The following SPTBN1 variants were observed in gnomAD, a reference collection of about 807,000 sequenced individuals.
SPTBN1 encodes spectrin beta chain, non-erythrocytic 1.
SPTBN1 carries 32 observed loss-of-function variants against 266.4 expected under a neutral mutation model. The observed-to-expected ratio is 0.12, with a 90% CI of 0.09 to 0.16. SPTBN1 has a LOEUF of 0.16. Ranked by LOEUF, SPTBN1 falls within the 10% of genes least tolerant of loss-of-function variation. The probability of loss-of-function intolerance (pLI) is 1.00; values close to 1 mark genes in which losing one functional copy is unlikely to be tolerated. For synonymous variants in SPTBN1, 1,336 were observed against 1,162.2 expected (o/e 1.15, Z -3.04); for missense variants, 2,296 against 3,067.1 (o/e 0.75, Z 5.94).
In SPTBN1 at chr2:54,666,041, C is replaced by G; in HGVS notation, c.6786C>G (p.Cys2262Trp). The change falls in exon 34 of 36, where the codon TGC (cysteine) becomes TGG (tryptophan). Residue 2262 changes from cysteine to tryptophan, a missense_variant. This residue lies in a region of SPTBN1 where 347 missense variants were observed against 368.5 expected (regional missense o/e 0.94). Transcript: ENST00000356805. ...EVPVSLKEAV[C>W]EVALDYKKKK... is the part of the protein sequence containing the mutation. ...CTGTGAGTTTGAAAGAAGCTGTCTG[C>G]GAAGTGGCCCTTGATTACAAAAAGA... 6.2e-7 allele frequency: 1 copy of G among 1,613,592 alleles called. No individual in the cohort carries two copies. Among genetic ancestry groups the G allele is most frequent in the Non-Finnish European group, 8.5e-7 (1 of 1,179,852 alleles).
At chr2:54,659,130 A>G in intron 30 of SPTBN1, 24 bp from the exon 31 acceptor site, 1 of 1,612,786 alleles carries the variant, frequency 6.2e-7, no homozygotes, top group African/African-American at 1.3e-5. Context: ...GGACTCTACC[A>G]AACATCACTC....
chr2:54,620,599 T>C (rs1447497173), intron 7 of SPTBN1, among the ~76,000 whole-genome samples: 1 of 152,148 alleles, frequency 6.6e-6, no homozygotes, highest in East Asian at 1.9e-4. Flanking sequence ...CAGTGAGCTA[T>C]AATCATGTCA....
intron 2 of SPTBN1, among the ~76,000 whole-genome samples, chr2:54,568,058 C>G (rs1558849559): frequency 6.6e-6 from 1 of 152,098 alleles, no homozygotes; most frequent in African/African-American, 2.4e-5. Context: ...TTAAAAATCC[C>G]CAAGTGCTTT....
chr2:54,475,895 GTTTAGTT>G (rs1667800887), intron 1 of SPTBN1, among the ~76,000 whole-genome samples: 1 of 152,154 alleles, frequency 6.6e-6, no homozygotes, highest in South Asian at 2.1e-4. Flanking sequence ...ATACCAGAGT[GTTTAGTT>G]TTAATTCACT....
chr2:54,605,031 A>G (rs972004074), intron 3 of SPTBN1, among the ~76,000 whole-genome samples: 4 of 152,142 alleles, frequency 2.6e-5, no homozygotes, highest in Non-Finnish European at 5.9e-5. Context: ...CGCACTAGGG[A>G]ATCCGATGGC....
At chr2:54,635,147 A>G (rs557641391) in intron 17 of SPTBN1, among the ~76,000 whole-genome samples, 1 of 152,144 alleles carries the variant, frequency 6.6e-6, no homozygotes, top group African/African-American at 2.4e-5. Context: ...ACAGGGAGAG[A>G]AAGTGAGAGA....
At chr2:54,593,263 T>C (rs62134700) in intron 2 of SPTBN1, among the ~76,000 whole-genome samples, 22,485 of 152,088 alleles carry the variant, frequency 0.15, 1,722 homozygotes, top group Middle Eastern at 0.23. Flanking sequence ...TTCTCGGGGC[T>C]CCAAGGTCAT....
chr2:54,618,115 A>C lies in SPTBN1; in HGVS notation c.685A>C (p.Asn229His). The change falls in exon 7 of 36, where the codon AAC becomes CAC. Residue 229 changes from asparagine to histidine, a missense_variant. Asn to His is a moderately conservative substitution (Grantham distance 68). Around this residue, in one of 12 missense-constraint regions of SPTBN1, gnomAD observed 178 missense variants for 375.7 expected, o/e 0.47. Transcript: ENST00000356805. ...AGATTTTGACAAACTAAAGAAATCT[A>C]ACGCACACTACAACCTGCAGAATGC... ...LIDFDKLKKS[N>H]AHYNLQNAFN... 6.2e-7 allele frequency: 1 copy of C among 1,614,220 alleles called. No individual in the cohort carries two copies. Among genetic ancestry groups the C allele is most frequent in the Non-Finnish European group, 8.5e-7 (1 of 1,180,024 alleles).
intron 2 of SPTBN1, among the ~76,000 whole-genome samples, chr2:54,573,810 A>G (rs1399112957): frequency 6.6e-6 from 1 of 152,096 alleles, no homozygotes; most frequent in Non-Finnish European, 1.5e-5. Flanking sequence ...TGTAATTTCT[A>G]TCTCTGCCCT....
intron 1 of SPTBN1, among the ~76,000 whole-genome samples, chr2:54,474,341 A>G (rs1667693472): frequency 6.6e-6 from 1 of 152,064 alleles, no homozygotes; most frequent in Non-Finnish European, 1.5e-5. Context: ...TATATTCTGG[A>G]GGCAATACAG....
At position 54,554,431 on chromosome 2, in the gene SPTBN1, T is replaced by G. The variant is rs1324818415; in HGVS notation, c.148+27865T>G. 2.6e-5 allele frequency among the ~76,000 whole-genome samples: 4 copies of G among 152,212 alleles called. No individual in the cohort carries two copies. The highest frequency in any genetic ancestry group is 5.9e-5 in the Non-Finnish European group (4 of 68,030). On this transcript the variant is annotated intron_variant, in intron 2 of 35. Coordinates refer to ENST00000356805, the MANE Select transcript of SPTBN1 (RefSeq NM_003128.3). The surrounding 1 kb of genome is among the most constrained non-coding windows in gnomAD (Gnocchi z 4.5). ...ATATATGTGGAAGCATTCTGTAAGC[T>G]ACCAAGTGTGATGGTTCTGGTTATT...
At chr2:54,465,481 C>T (rs997700449) in intron 1 of SPTBN1, among the ~76,000 whole-genome samples, 2 of 152,072 alleles carry the variant, frequency 1.3e-5, no homozygotes, top group Non-Finnish European at 2.9e-5. Flanking sequence ...TTTAGATTTA[C>T]TTTCAGTGAA....
intron 20 of SPTBN1, among the ~76,000 whole-genome samples, chr2:54,644,929 G>C (rs1679820470): frequency 6.6e-6 from 1 of 152,150 alleles, no homozygotes; most frequent in African/African-American, 2.4e-5. Context: ...CTCATACTTT[G>C]TTGTTTAACA....
chr2:54,647,661 G>A (rs766280611), intron 24 of SPTBN1, among the ~76,000 whole-genome samples: 8 of 152,110 alleles, frequency 5.3e-5, no homozygotes, highest in Non-Finnish European at 1.0e-4. Context: ...GCAATGTGGC[G>A]AAACCTCATC....
intron 2 of SPTBN1, among the ~76,000 whole-genome samples, chr2:54,529,956 C>T (rs1335658119): frequency 6.7e-6 from 1 of 150,368 alleles, no homozygotes; most frequent in African/African-American, 2.4e-5. Context: ...ATCTTCCTGT[C>T]CCTTATAGGG....
chr2:54,630,492 A>G (rs562932475), intron 15 of SPTBN1, among the ~76,000 whole-genome samples: 26 of 152,302 alleles, frequency 1.7e-4, no homozygotes, highest in Non-Finnish European at 3.7e-4. Flanking sequence ...CCCAGTTTTG[A>G]AGGTTACCAT....
intron 18 of SPTBN1, among the ~76,000 whole-genome samples, chr2:54,638,910 G>A (rs757301306): frequency 2.0e-5 from 3 of 152,186 alleles, no homozygotes; most frequent in Non-Finnish European, 2.9e-5. Context: ...GTTAGATCAC[G>A]TATGACAGAA....
intron 1 of SPTBN1, among the ~76,000 whole-genome samples, chr2:54,486,928 C>CG (rs1203340883): frequency 3.9e-5 from 6 of 152,052 alleles, no homozygotes; most frequent in Non-Finnish European, 8.8e-5. Flanking sequence ...AACAAGCAAA[C>CG]ATAAGTGTTG....
rs760412855 is a variant in SPTBN1 at position 54,645,052 on chromosome 2, A to C, written c.4270-177A>C. 3.8e-5 allele frequency: 24 copies of C among 625,794 alleles called. No individual in the cohort carries two copies. The highest frequency in any genetic ancestry group is 6.4e-5 in the Non-Finnish European group (23 of 360,068). 38.8% of individuals were successfully genotyped at this position (625,794 alleles called of 1,614,324 possible). A position where few individuals can be genotyped will look rare whatever the true frequency, so the allele number is the denominator to read the frequency against. On this transcript the variant is annotated intron_variant, in intron 20 of 35. Coordinates refer to ENST00000356805, the MANE Select transcript of SPTBN1 (RefSeq NM_003128.3). The surrounding 1 kb of genome is among the most constrained non-coding windows in gnomAD (Gnocchi z 4.3). The stretch of plus-strand genomic sequence containing the variant: ...TTAAGGGCAAATGAATTTACCTCAG[A>C]TTTACTTGAAAACAGTTCCATTGAT...
Sources: allele counts gnomAD v4.1 joint callset (sites outside exome capture counted in the v4.1 genomes callset), GRCh38; gene constraint gnomAD v4.1.1; regional missense constraint gnomAD v4.1.1; non-coding constraint Gnocchi (gnomAD v3.1); transcripts MANE v1.5; gene names NCBI Gene and HGNC (gene_info 2026-07-23, HGNC 2026-07-21).